Variants in PCDHA9 observed in about 807,000 individuals in gnomAD.
PCDHA9 encodes protocadherin alpha-9.
Under a neutral mutation model 62.0 loss-of-function variants are expected in PCDHA9, and 62 were observed. The ratio of observed to expected loss-of-function variants is 1.00; its 90% CI spans 0.81 to 1.23. The LOEUF (loss-of-function observed/expected upper bound fraction) is 1.23. Ranked by LOEUF, PCDHA9 falls within the 50% of genes most tolerant of loss-of-function variation. The pLI, the probability that PCDHA9 is intolerant of heterozygous loss-of-function variation, is 0.00. For missense variants in PCDHA9, 1,205 were observed against 1,249.8 expected, an observed-to-expected ratio of 0.96 and a Z score of 0.54; for synonymous variants, 557 against 567.6, an observed-to-expected ratio of 0.98 and a Z score of 0.27.
rs561529051 is a variant in PCDHA9 at position 140,929,034 on chromosome 5, C to G, written c.2395-49915C>G. On this transcript the variant is annotated intron_variant, in intron 1 of 3. Transcript: ENST00000532602. ...AGTTGCACCAGAGCCCAGGCTGTTGCGCTCAGAGCTGCTGTCGCTCTACAG... is the reference window on the plus strand; with the variant it reads ...AGTTGCACCAGAGCCCAGGCTGTTGGGCTCAGAGCTGCTGTCGCTCTACAG... 2.8e-5 allele frequency: 46 copies of G among 1,614,040 alleles called. No homozygotes were observed. The South Asian group carries it at 4.8e-4, about 17-fold the overall frequency.
chr5:140,952,338 C>CA (rs55931446), intron 1 of PCDHA9, among the ~76,000 whole-genome samples: 315 of 135,024 alleles, frequency 2.3e-3, no homozygotes, highest in East Asian at 0.011. Context: ...AACTCCATCT[C>CA]AAAAAAAAAA....
chr5:140,856,715 G>T (rs1233191211), intron 1 of PCDHA9: 1 of 1,596,328 alleles, frequency 6.3e-7, no homozygotes, highest in African/African-American at 1.3e-5. Flanking sequence ...TGAATTTACC[G>T]GATCTGTTTC....
chr5:140,880,851 A>T lies in PCDHA9; in HGVS notation c.2394+29962A>T, dbSNP rs577713176. 2.0e-5 allele frequency among the ~76,000 whole-genome samples: 3 copies of T among 152,322 alleles called. No individual in the cohort carries two copies. In the South Asian group the frequency reaches 6.2e-4, roughly 32 times the overall value. On this transcript the variant is annotated intron_variant, in intron 1 of 3. Coordinates refer to ENST00000532602, the MANE Select transcript of PCDHA9 (RefSeq NM_031857.2). The stretch of plus-strand genomic sequence containing the variant: ...GCATATTTTAAATGGTTGACTATGT[A>T]GTCTAATTATGTGAAGAGGTAAATA...
intron 1 of PCDHA9, among the ~76,000 whole-genome samples, chr5:140,930,720 A>T (rs574022781): frequency 5.3e-5 from 8 of 152,226 alleles, no homozygotes; most frequent in Non-Finnish European, 8.8e-5. Flanking sequence ...TCAAGTAATG[A>T]TGTTAACTGC....
chr5:140,946,335 G>A lies in PCDHA9; in HGVS notation c.2395-32614G>A, dbSNP rs555314202. ...ATTATTGAAAGAGGAAAGATAACAA[G>A]TGATGGAGAGGATGTGGAGAAAAGG... On this transcript the variant is annotated intron_variant, in intron 1 of 3. Transcript: ENST00000532602. Among the ~76,000 whole-genome samples, 250 of 151,944 alleles carry A rather than the reference G, an allele frequency of 1.6e-3. 2 individuals are homozygous for A. The highest frequency in any genetic ancestry group is 2.8e-3 in the Non-Finnish European group (188 of 67,814).
chr5:140,946,163 T>C (rs1345991689), intron 1 of PCDHA9, among the ~76,000 whole-genome samples: 1 of 151,884 alleles, frequency 6.6e-6, no homozygotes, highest in African/African-American at 2.4e-5. Flanking sequence ...ATTTAAAAGA[T>C]GGGTAAAGGA....
Position 140,850,186 on chromosome 5 carries a change from C to A in PCDHA9, c.1691C>A (p.Ala564Glu), listed in dbSNP as rs2150472009. Reference protein sequence around the residue: ...FVLDENDNAPALLTPRMRGTD... With the variant: ...FVLDENDNAPELLTPRMRGTD... ...CTGGACGAGAACGACAATGCGCCGGCGCTGCTGACACCTCGGATGAGGGGC... is the reference window on the plus strand; with the variant it reads ...CTGGACGAGAACGACAATGCGCCGGAGCTGCTGACACCTCGGATGAGGGGC... Residue 564 changes from alanine (A) to glutamate (E), a missense_variant, in exon 1 of 4, where the codon GCG (alanine) becomes GAG (glutamate). Coordinates refer to ENST00000532602, the MANE Select transcript of PCDHA9 (RefSeq NM_031857.2). 2.5e-6 allele frequency: 4 copies of A among 1,593,728 alleles called. No homozygotes were observed. The highest frequency in any genetic ancestry group is 4.5e-5 in the East Asian group (2 of 44,820).
intron 3 of PCDHA9, among the ~76,000 whole-genome samples, chr5:140,986,524 G>C (rs2097203903): frequency 6.6e-6 from 1 of 152,198 alleles, no homozygotes; most frequent in South Asian, 2.1e-4. Flanking sequence ...GCCTGTGAGG[G>C]AACTGGCCTG....
intron 1 of PCDHA9, chr5:140,877,349 T>C (rs1554169631): frequency 1.2e-6 from 2 of 1,613,984 alleles, no homozygotes; most frequent in Admixed American, 3.3e-5. Context: ...CACGTGGGGC[T>C]GTACACTGGC....
At chr5:140,994,222 C>T (rs2097605581) in intron 3 of PCDHA9, among the ~76,000 whole-genome samples, 1 of 152,168 alleles carries the variant, frequency 6.6e-6, no homozygotes, top group Admixed American at 6.5e-5. Context: ...CAGGGTCTGT[C>T]TATGTTATAA....
intron 3 of PCDHA9, among the ~76,000 whole-genome samples, chr5:141,005,808 C>T (rs2153985730): frequency 6.6e-6 from 1 of 150,460 alleles, no homozygotes; most frequent in African/African-American, 2.5e-5. Context: ...CTCCAAGGAG[C>T]CAGGTATGGT....
intron 1 of PCDHA9, chr5:140,967,492 G>T (rs1554229617): frequency 3.1e-6 from 5 of 1,613,380 alleles, no homozygotes; most frequent in Non-Finnish European, 4.2e-6. Flanking sequence ...GTACGGCACA[G>T]ATCTCTGTGC....
At chr5:140,968,339 A>C in intron 1 of PCDHA9, 1 of 1,614,114 alleles carries the variant, frequency 6.2e-7, no homozygotes, top group Non-Finnish European at 8.5e-7. Flanking sequence ...TGTCTCCATT[A>C]ACAGTGCCAG....
intron 1 of PCDHA9, chr5:140,856,575 A>G (rs2150361259): frequency 6.3e-7 from 1 of 1,597,272 alleles, no homozygotes; most frequent in African/African-American, 1.3e-5. Flanking sequence ...CCAAATGAGT[A>G]TTTTGTTCTT....
At chr5:140,962,546 G>A (rs2095690873) in intron 1 of PCDHA9, among the ~76,000 whole-genome samples, 7 of 152,094 alleles carry the variant, frequency 4.6e-5, no homozygotes, top group Admixed American at 4.6e-4. Flanking sequence ...TAAAAATGTA[G>A]AGGATCTCCC....
chr5:140,866,911 G>C (rs1359822435), intron 1 of PCDHA9: 4 of 152,102 alleles, frequency 2.6e-5, no homozygotes, highest in African/African-American at 9.7e-5. Context: ...GATCCTCAAA[G>C]ATGAGTTCAA....
At position 140,850,612 on chromosome 5, in the gene PCDHA9, C is replaced by T. The variant is rs1411031639; in HGVS notation, c.2117C>T (p.Ala706Val). Residue 706 changes from alanine to valine, a missense_variant, in exon 1 of 4, where the codon GCG (alanine) becomes GTG (valine). Coordinates refer to ENST00000532602, the MANE Select transcript of PCDHA9 (RefSeq NM_031857.2). ...VNVYLIIAIC[A>V]VSSLLVLTLL... ...GTGTACCTGATCATCGCCATCTGCG[C>T]GGTGTCTAGCCTGTTGGTTCTCACG... The T allele has an allele frequency of 5.0e-6, 8 of 1,598,454 alleles. No homozygotes were observed. Among genetic ancestry groups the T allele is most frequent in the Non-Finnish European group, 6.8e-6 (8 of 1,167,900 alleles).
intron 1 of PCDHA9, among the ~76,000 whole-genome samples, chr5:140,898,193 A>G (rs1352716396): frequency 1.7e-4 from 26 of 152,114 alleles, no homozygotes; most frequent in African/African-American, 5.3e-4. Flanking sequence ...CTTTAGTTTA[A>G]TTAGATCCCA....
At chr5:140,962,348 C>T (rs2095675606) in intron 1 of PCDHA9, among the ~76,000 whole-genome samples, 1 of 152,130 alleles carries the variant, frequency 6.6e-6, no homozygotes, top group South Asian at 2.1e-4. Flanking sequence ...AGTAAAACTC[C>T]CCCCAATACT....
Sources: allele counts gnomAD v4.1 joint callset (sites outside exome capture counted in the v4.1 genomes callset), GRCh38; gene constraint gnomAD v4.1.1; transcripts MANE v1.5; gene names NCBI Gene and HGNC (gene_info 2026-07-23, HGNC 2026-07-21).